CTNNA3: variants seen among roughly 807,000 people sequenced by gnomAD.
The protein encoded by CTNNA3 is catenin alpha-3.
A neutral mutation model predicts 95.7 loss-of-function variants in CTNNA3; 76 were observed. The observed-to-expected ratio is 0.79, with a 90% CI of 0.66 to 0.96. The LOEUF (loss-of-function observed/expected upper bound fraction) is 0.96. CTNNA3 is among the 40% of genes least tolerant of loss of function. The pLI, the probability that CTNNA3 is intolerant of heterozygous loss-of-function variation, is 0.00. For synonymous variants in CTNNA3, 431 were observed against 374.4 expected (o/e 1.15, Z -1.74); for missense variants, 1,191 against 1,089.8 (o/e 1.09, Z -1.31).
At chr10:66,949,044 C>T (rs1215556015) in intron 7 of CTNNA3, among the ~76,000 whole-genome samples, 1 of 151,964 alleles carries the variant, frequency 6.6e-6, no homozygotes, top group African/African-American at 2.4e-5. Context: ...ATCTTGCAAA[C>T]AAATATAACA....
chr10:67,049,352 A>T (rs1460555689), intron 7 of CTNNA3, among the ~76,000 whole-genome samples: 1 of 152,140 alleles, frequency 6.6e-6, no homozygotes, highest in Non-Finnish European at 1.5e-5. Flanking sequence ...TTAAATTTCA[A>T]ATCCCATTAT....
At chr10:67,143,151 T>A (rs2132046211) in intron 7 of CTNNA3, among the ~76,000 whole-genome samples, 1 of 151,294 alleles carries the variant, frequency 6.6e-6, no homozygotes, top group Non-Finnish European at 1.5e-5. Context: ...AAAAGATTTA[T>A]CTGGGCCAGG....
At chr10:67,106,666 T>C (rs1858650702) in intron 7 of CTNNA3, among the ~76,000 whole-genome samples, 1 of 152,192 alleles carries the variant, frequency 6.6e-6, no homozygotes, top group Non-Finnish European at 1.5e-5. Context: ...TATTAAATTG[T>C]GCAGCAAGGA....
chr10:67,508,913 G>C (rs1589372750), intron 5 of CTNNA3, among the ~76,000 whole-genome samples: 1 of 150,314 alleles, frequency 6.7e-6, no homozygotes, highest in South Asian at 2.1e-4. Flanking sequence ...TCTCGCTCTT[G>C]TACCCCAGGC....
At chr10:66,511,285 T>C (rs1283084871) in intron 11 of CTNNA3, among the ~76,000 whole-genome samples, 2 of 151,806 alleles carry the variant, frequency 1.3e-5, no homozygotes, top group Non-Finnish European at 2.9e-5. Context: ...TTAATCTATA[T>C]AATAGTTTGT....
intron 5 of CTNNA3, among the ~76,000 whole-genome samples, chr10:67,255,137 A>G (rs2132371465): frequency 6.6e-6 from 1 of 152,176 alleles, no homozygotes; most frequent in South Asian, 2.1e-4. Context: ...CTCTACTAAA[A>G]ATACAAAATT....
At position 66,905,395 on chromosome 10, in the gene CTNNA3, A is replaced by G. The variant is rs969607596; in HGVS notation, c.1048-129871T>C. On this transcript the variant is annotated intron_variant, in intron 7 of 17. Coordinates refer to ENST00000433211, the MANE Select transcript of CTNNA3 (RefSeq NM_013266.4). ...GGGGTTGGAGGACTGGGGAAGGGAT[A>G]GCATTAGGCGAAATACCGAATGTAA... 2.6e-5 allele frequency among the ~76,000 whole-genome samples: 4 copies of G among 152,198 alleles called. No homozygotes were observed. In the South Asian group the frequency reaches 8.3e-4, roughly 31 times the overall value.
intron 9 of CTNNA3, among the ~76,000 whole-genome samples, chr10:66,751,075 C>T (rs1403942355): frequency 6.6e-6 from 1 of 152,066 alleles, no homozygotes; most frequent in Non-Finnish European, 1.5e-5. Flanking sequence ...CAAGACCAGC[C>T]TGGCCAATAT....
intron 5 of CTNNA3, among the ~76,000 whole-genome samples, chr10:67,328,245 T>C (rs1331411984): frequency 6.6e-6 from 1 of 152,150 alleles, no homozygotes; most frequent in African/African-American, 2.4e-5. Flanking sequence ...GCTGGAGCTC[T>C]CTACCAGTCA....
At chr10:66,587,200 C>T (rs1843387550) in intron 10 of CTNNA3, among the ~76,000 whole-genome samples, 1 of 152,154 alleles carries the variant, frequency 6.6e-6, no homozygotes, top group African/African-American at 2.4e-5. Context: ...CTCAAGACGT[C>T]CTATTTAGCT....
At chr10:66,328,683 A>G (rs1307241691) in intron 12 of CTNNA3, among the ~76,000 whole-genome samples, 1 of 151,508 alleles carries the variant, frequency 6.6e-6, no homozygotes, top group Non-Finnish European at 1.5e-5. Flanking sequence ...GGAATGACCC[A>G]TGCAATTATG....
chr10:66,791,049 T>A (rs1840947534), intron 7 of CTNNA3, among the ~76,000 whole-genome samples: 1 of 152,184 alleles, frequency 6.6e-6, no homozygotes, highest in South Asian at 2.1e-4. Context: ...ACCCTCCCAG[T>A]GTTCAAGTTA....
chr10:66,912,968 G>A (rs1846284638), intron 7 of CTNNA3, among the ~76,000 whole-genome samples: 1 of 151,916 alleles, frequency 6.6e-6, no homozygotes, highest in Non-Finnish European at 1.5e-5. Flanking sequence ...GGCCGGGCGC[G>A]GTGGCTCATG....
intron 3 of CTNNA3, among the ~76,000 whole-genome samples, chr10:67,548,186 C>T (rs1338914595): frequency 1.3e-5 from 2 of 152,084 alleles, no homozygotes; most frequent in South Asian, 2.1e-4. Context: ...TCTGGGACCT[C>T]GCACTCCTCT....
At chr10:66,264,149 T>C (rs1435619184) in intron 13 of CTNNA3, among the ~76,000 whole-genome samples, 1 of 151,990 alleles carries the variant, frequency 6.6e-6, no homozygotes, top group African/African-American at 2.4e-5. Context: ...TGATATAATA[T>C]AACTATGAAA....
In CTNNA3 at chr10:66,280,485, T is replaced by C; in HGVS notation, c.1869A>G (p.Ser623=). 1 of 1,605,414 alleles carries C rather than the reference T, an allele frequency of 6.2e-7. No homozygotes were observed. Among genetic ancestry groups the C allele is most frequent in the South Asian group, 1.1e-5 (1 of 89,792 alleles). The change falls in exon 13 of 18, where the codon TCA becomes TCG. Residue 623 remains serine (S), a synonymous_variant. Transcript: ENST00000433211. The part of the protein sequence containing the change: ...IYDTIHDIRC[S]VMMIRTPEEL... ...GCAAACTTACCCGAATCATCATGAC[T>C]GAACATCTGATATCATGAATTGTAT...
At chr10:66,352,055 G>C (rs973037334) in intron 12 of CTNNA3, among the ~76,000 whole-genome samples, 2 of 152,094 alleles carry the variant, frequency 1.3e-5, no homozygotes, top group Non-Finnish European at 2.9e-5. Context: ...AAGCACTAAA[G>C]AGATGGAAGA....
At chr10:67,228,061 T>C (rs1865009858) in intron 5 of CTNNA3, among the ~76,000 whole-genome samples, 1 of 151,928 alleles carries the variant, frequency 6.6e-6, no homozygotes, top group Non-Finnish European at 1.5e-5. Context: ...CCTAAACACC[T>C]ACACCAAAAA....
chr10:67,386,961 C>A (rs779064290), intron 5 of CTNNA3, among the ~76,000 whole-genome samples: 3 of 152,176 alleles, frequency 2.0e-5, no homozygotes, highest in Non-Finnish European at 2.9e-5. Context: ...TTTGTTAAGA[C>A]CTCATTCCAA....
Sources: allele counts gnomAD v4.1 joint callset (sites outside exome capture counted in the v4.1 genomes callset), GRCh38; gene constraint gnomAD v4.1.1; transcripts MANE v1.5; gene names NCBI Gene and HGNC (gene_info 2026-07-23, HGNC 2026-07-21).